The following IKZF1 variants were observed in gnomAD, a reference collection of about 807,000 sequenced individuals.
The protein encoded by IKZF1 is DNA-binding protein Ikaros.
Under a neutral mutation model 51.7 loss-of-function variants are expected in IKZF1, and 10 were observed. That is an observed-to-expected ratio of 0.19 (90% CI 0.12 to 0.33). The LOEUF (loss-of-function observed/expected upper bound fraction) is 0.33. Among genes scored for constraint, IKZF1 ranks in the 10% least tolerant of loss-of-function variants. The pLI is 1.00. For missense variants in IKZF1, 484 were observed against 707.5 expected, an observed-to-expected ratio of 0.68 and a Z score of 3.58; for synonymous variants, 280 against 282.3, an observed-to-expected ratio of 0.99 and a Z score of 0.08.
At chr7:50,368,643 CA>C (rs1443048531) in intron 3 of IKZF1, 1 of 328,894 alleles carries the variant, frequency 3.0e-6, no homozygotes, top group East Asian at 4.5e-5. Context: ...AAACCAAAAA[CA>C]GATGTGAATT....
At chr7:50,382,827 C>T (rs1812229272) in intron 5 of IKZF1, 120 bp downstream of exon 5, 1 of 1,267,602 alleles carries the variant, frequency 7.9e-7, no homozygotes, top group African/African-American at 1.5e-5. Flanking sequence ...AGCTCGCAGT[C>T]CTGCATCGGG....
At chr7:50,344,477 A>G (rs559055732) in intron 3 of IKZF1, among the ~76,000 whole-genome samples, 4 of 152,130 alleles carry the variant, frequency 2.6e-5, no homozygotes, top group Non-Finnish European at 5.9e-5. Context: ...TTGCCTCTCT[A>G]TTTTTTGTGC....
In IKZF1 at chr7:50,404,133, A is replaced by G. The variant is rs1468498336; in HGVS notation, c.*3506A>G. 1 of 215,138 alleles carries G rather than the reference A, an allele frequency of 4.6e-6. No individual in the cohort carries two copies. Among genetic ancestry groups the G allele is most frequent in the Non-Finnish European group, 9.4e-6 (1 of 106,254 alleles). The allele number at this position is 215,138 out of a possible 1,614,324, so 13.3% of individuals were successfully genotyped here. On this transcript the variant is annotated 3_prime_UTR_variant, in exon 8 of 8. Coordinates refer to ENST00000331340, the MANE Select transcript of IKZF1 (RefSeq NM_006060.6). ...TGAACATGTGTAACCACATATTAAT[A>G]TGCAATATTGTTTCCAATACTTTCT...
rs369391123 is a variant in IKZF1 at position 50,405,080 on chromosome 7, A to G, written c.*4453A>G. On this transcript the variant is annotated 3_prime_UTR_variant, in exon 8 of 8. Transcript: ENST00000331340. ...TTTCTGTCAAAATAAAATGTCTTGG[A>G]GGTTATGACTCCTTGGTGAAACCTT... 32 of 188,958 alleles carry G rather than the reference A, an allele frequency of 1.7e-4. No homozygotes were observed. In the South Asian group the frequency reaches 6.0e-3, roughly 36 times the overall value. The allele number at this position is 188,958 out of a possible 1,614,324, so 11.7% of individuals were successfully genotyped here.
At chr7:50,399,754 C>A (rs1051603543) in intron 7 of IKZF1, 164 bp from the exon 8 acceptor site, 7 of 1,116,464 alleles carry the variant, frequency 6.3e-6, no homozygotes, top group Non-Finnish European at 8.7e-6. Context: ...GTGATGTGTC[C>A]GCAGGTGTGT....
chr7:50,325,991 T>C (rs150702858), intron 2 of IKZF1, among the ~76,000 whole-genome samples: 4 of 152,310 alleles, frequency 2.6e-5, no homozygotes, highest in African/African-American at 9.6e-5. Flanking sequence ...AATATGCCAA[T>C]TGTGGTAATT....
chr7:50,387,586 G>T (rs1813769412), intron 6 of IKZF1, 116 bp downstream of exon 6: 1 of 1,382,938 alleles, frequency 7.2e-7, no homozygotes. Flanking sequence ...TCCTGCCGGG[G>T]CTAGGAGGGA....
chr7:50,342,575 GC>G (rs1799299656), intron 3 of IKZF1, among the ~76,000 whole-genome samples: 2 of 151,884 alleles, frequency 1.3e-5, no homozygotes, highest in Non-Finnish European at 1.5e-5. Context: ...GGAGAGTGAT[GC>G]CCCTTGATAC....
chr7:50,385,819 T>C (rs978774369), intron 5 of IKZF1, among the ~76,000 whole-genome samples: 8 of 152,228 alleles, frequency 5.3e-5, no homozygotes, highest in African/African-American at 1.9e-4. Flanking sequence ...TTAGGCAATA[T>C]TCTGTGTTTC....
chr7:50,376,613 G>A lies in IKZF1; in HGVS notation c.241G>A (p.Asp81Asn), dbSNP rs778251001. ...AATGAATGGGGAAGAATGTGCGGAG[G>A]ATTTACGAATGCTTGATGCCTCGGG... ...CEMNGEECAE[D>N]LRMLDASGEK... Residue 81 changes from aspartate (D) to asparagine (N), a missense_variant, in exon 4 of 8, where the codon GAT becomes AAT. By Grantham distance (23) the Asp-to-Asn change is conservative. This residue lies in a region of IKZF1 where 118 missense variants were observed against 138.4 expected (regional missense o/e 0.85). Transcript: ENST00000331340. The surrounding 1 kb of genome is among the most constrained non-coding windows in gnomAD (Gnocchi z 4.5). 6.2e-6 allele frequency: 10 copies of A among 1,613,880 alleles called. No homozygotes were observed. The Admixed American group carries it at 1.3e-4, about 22-fold the overall frequency.
chr7:50,390,474 T>C (rs1814748671), intron 6 of IKZF1, among the ~76,000 whole-genome samples: 1 of 152,178 alleles, frequency 6.6e-6, no homozygotes, highest in African/African-American at 2.4e-5. Context: ...CCAGCAACAA[T>C]AGCCAATTTG....
chr7:50,370,715 A>C (rs2153459426), intron 3 of IKZF1, among the ~76,000 whole-genome samples: 1 of 152,364 alleles, frequency 6.6e-6, no homozygotes, highest in South Asian at 2.1e-4. Context: ...AGTCAATGAA[A>C]GAGCCCACGG....
chr7:50,354,935 C>T (rs994577826), intron 3 of IKZF1, among the ~76,000 whole-genome samples: 6 of 152,162 alleles, frequency 3.9e-5, no homozygotes, highest in South Asian at 2.1e-4. Flanking sequence ...GCGTCAAAAA[C>T]GTCACTTTGG....
At chr7:50,327,609 C>T (rs767758920) in intron 2 of IKZF1, 29 bp from the exon 3 acceptor site, 19 of 1,584,098 alleles carry the variant, frequency 1.2e-5, no homozygotes, top group East Asian at 2.3e-5. Context: ...CATGACCGCC[C>T]GAGACTCACA....
intron 4 of IKZF1, among the ~76,000 whole-genome samples, chr7:50,378,445 C>T (rs1389765286): frequency 6.6e-6 from 1 of 152,164 alleles, no homozygotes; most frequent in Non-Finnish European, 1.5e-5. Context: ...ACAGGATACT[C>T]GGGGACCCAT....
chr7:50,323,559 A>G (rs1317245672), intron 2 of IKZF1, among the ~76,000 whole-genome samples: 1 of 152,244 alleles, frequency 6.6e-6, no homozygotes, highest in Non-Finnish European at 1.5e-5. Flanking sequence ...GTAATGCTTT[A>G]TTTGAAACAT....
intron 3 of IKZF1, among the ~76,000 whole-genome samples, chr7:50,339,155 A>G (rs1368121233): frequency 1.3e-5 from 2 of 151,280 alleles, no homozygotes; most frequent in Admixed American, 6.6e-5. Context: ...TACACTTTTA[A>G]TGTCCTGACA....
intron 1 of IKZF1, among the ~76,000 whole-genome samples, chr7:50,315,218 G>A (rs1180260441): frequency 1.3e-5 from 2 of 152,242 alleles, no homozygotes; most frequent in African/African-American, 4.8e-5. Flanking sequence ...GAGAGACTGA[G>A]AGAGAGACAG....
intron 5 of IKZF1, among the ~76,000 whole-genome samples, chr7:50,384,580 G>A (rs1046000344): frequency 2.0e-5 from 3 of 152,232 alleles, no homozygotes; most frequent in African/African-American, 4.8e-5. Flanking sequence ...GTAGCATGAC[G>A]GTGAGCATCT....
Sources: gnomAD v4.1 joint callset for allele counts (sites outside exome capture counted in the v4.1 genomes callset) on GRCh38, gnomAD v4.1.1 for gene constraint, gnomAD v4.1.1 regional missense constraint, Gnocchi (gnomAD v3.1) non-coding constraint, MANE v1.5 for transcripts, NCBI Gene and HGNC (gene_info 2026-07-23, HGNC 2026-07-21) for gene names.